The following ACKR3 variants were observed in gnomAD, a reference collection of about 807,000 sequenced individuals.
ACKR3 encodes C-X-C chemokine receptor type 7.
In ACKR3, 6 loss-of-function variants were observed where a neutral mutation model predicts 22.4. The ratio of observed to expected loss-of-function variants is 0.27; its 90% CI spans 0.15 to 0.53. ACKR3 has a LOEUF of 0.53. Among genes scored for constraint, ACKR3 ranks in the 20% least tolerant of loss-of-function variants. The probability of loss-of-function intolerance (pLI) is 0.96; values close to 1 mark genes in which losing one functional copy is unlikely to be tolerated. For missense variants in ACKR3, 396 were observed against 475.2 expected, an observed-to-expected ratio of 0.83 and a Z score of 1.55; for synonymous variants, 209 against 205.2, an observed-to-expected ratio of 1.02 and a Z score of -0.16.
At chr2:236,567,227 C>G (rs1360716885), upstream of ACKR3, among the ~76,000 whole-genome samples, 1 of 152,182 alleles carries the variant, frequency 6.6e-6, no homozygotes, top group African/African-American at 2.4e-5. Flanking sequence ...TCTCGAACTC[C>G]CGACCTCGCG....
At chr2:236,556,333 G>T in the ACKR3 span, among the ~76,000 whole-genome samples, 1 of 152,146 alleles carries the variant, frequency 6.6e-6, no homozygotes, top group African/African-American at 2.4e-5. Context: ...CCCCAGAGAG[G>T]TCCACATCTT....
intron 1 of ACKR3, among the ~76,000 whole-genome samples, chr2:236,573,228 C>T (rs1691344681): frequency 6.6e-6 from 1 of 152,092 alleles, no homozygotes; most frequent in Non-Finnish European, 1.5e-5. Context: ...TGCGCAGTTG[C>T]CTAATGGTTC....
chr2:236,581,654 T>G lies in ACKR3; in HGVS notation c.*100T>G. On this transcript the variant is annotated 3_prime_UTR_variant, in exon 2 of 2. Transcript: ENST00000272928. This position sits in a 1 kb window ranked among gnomAD's most constrained non-coding sequence, Gnocchi z 4.4. ...AAAGCAAAGTAGCTTCGGGTCTTGA[T>G]GCTTGAGTAGAGTGAAGAGGGGAGC... 1 of 1,446,200 alleles carries G rather than the reference T, an allele frequency of 6.9e-7. No individual in the cohort carries two copies. The highest frequency in any genetic ancestry group is 2.3e-5 in the Admixed American group (1 of 44,004). The allele number at this position is 1,446,200 out of a possible 1,614,324, so 89.6% of individuals were successfully genotyped here.
intron 1 of ACKR3, among the ~76,000 whole-genome samples, chr2:236,575,931 C>T (rs1034011550): frequency 6.6e-6 from 1 of 152,170 alleles, no homozygotes; most frequent in African/African-American, 2.4e-5. Flanking sequence ...AGGAGAGAAA[C>T]GTATGAATTT....
At chr2:236,564,010 G>A (rs566753037), upstream of ACKR3, among the ~76,000 whole-genome samples, 9 of 152,288 alleles carry the variant, frequency 5.9e-5, no homozygotes, top group East Asian at 1.4e-3. Flanking sequence ...GAGACAGGGA[G>A]CCTAAGGCCC....
the ACKR3 span, among the ~76,000 whole-genome samples, chr2:236,538,649 G>C: frequency 6.6e-6 from 1 of 152,226 alleles, no homozygotes; most frequent in African/African-American, 2.4e-5. Context: ...TTGATGAGTA[G>C]ATATCTGCCC....
chr2:236,541,359 T>C, the ACKR3 span, among the ~76,000 whole-genome samples: 7 of 152,174 alleles, frequency 4.6e-5, no homozygotes, highest in Non-Finnish European at 1.0e-4. Flanking sequence ...TCATGAAACA[T>C]CCCTCGTCTG....
chr2:236,572,117 TC>T (rs1479706528), intron 1 of ACKR3, among the ~76,000 whole-genome samples: 2 of 152,102 alleles, frequency 1.3e-5, no homozygotes, highest in African/African-American at 4.8e-5. Context: ...AATAGACAGA[TC>T]AGGACAGGGA....
Position 236,582,067 on chromosome 2 carries a change from T to TATATATAAATATATATAA in ACKR3, c.*528_*545dup, listed in dbSNP as rs1302467648. 8.8e-5 allele frequency: 14 copies of TATATATAAATATATATAA among 159,538 alleles called. No homozygotes were observed. Among genetic ancestry groups the TATATATAAATATATATAA allele is most frequent in the Non-Finnish European group, 2.2e-4 (14 of 64,664 alleles). 9.9% of individuals were successfully genotyped at this position (159,538 alleles called of 1,614,324 possible). ...AATTGTTAGCTGTTTTGAAATTATA[T>TATATATAAATATATATAA]ATATATAAATATATATAAATATATA... On this transcript the variant is annotated 3_prime_UTR_variant, in exon 2 of 2. Coordinates refer to ENST00000272928, the MANE Select transcript of ACKR3 (RefSeq NM_020311.3).
In ACKR3 at chr2:236,581,601, G is replaced by A. The variant is rs1182992055; in HGVS notation, c.*47G>A. On this transcript the variant is annotated 3_prime_UTR_variant, in exon 2 of 2. Transcript: ENST00000272928. This position sits in a 1 kb window ranked among gnomAD's most constrained non-coding sequence, Gnocchi z 4.4. ...GACGGGTTTACTTGTTTTTGAACAG[G>A]GTGATGGGCCCTATGGTTTTCTAGA... 6 of 1,574,814 alleles carry A rather than the reference G, an allele frequency of 3.8e-6. No homozygotes were observed. Among genetic ancestry groups the A allele is most frequent in the Non-Finnish European group, 4.3e-6 (5 of 1,159,726 alleles).
At chr2:236,538,683 A>G in the ACKR3 span, among the ~76,000 whole-genome samples, 1 of 152,244 alleles carries the variant, frequency 6.6e-6, no homozygotes, top group Non-Finnish European at 1.5e-5. Flanking sequence ...CCAACAGCAA[A>G]CTACAGTGTA....
chr2:236,541,058 T>C, the ACKR3 span, among the ~76,000 whole-genome samples: 4 of 150,670 alleles, frequency 2.7e-5, no homozygotes, highest in Admixed American at 1.3e-4. Flanking sequence ...GATCTGTTTC[T>C]GACCCTGTCT....
At position 236,581,167 on chromosome 2, in the gene ACKR3, G is replaced by C. The variant is rs775001746; in HGVS notation, c.702G>C (p.Leu234=). Reference sequence around the variant, plus strand: ...CCATTATCGCTGTCTTCTACTTCCTGCTGGCCAGAGCCATCTCGGCGTCCA... The same window carrying C: ...CCATTATCGCTGTCTTCTACTTCCTCCTGGCCAGAGCCATCTCGGCGTCCA... The part of the protein sequence containing the change: ...PFSIIAVFYF[L]LARAISASSD... The change falls in exon 2 of 2, where the codon CTG becomes CTC. Residue 234 remains leucine, a synonymous_variant. Transcript: ENST00000272928. This position sits in a 1 kb window ranked among gnomAD's most constrained non-coding sequence, Gnocchi z 4.4. 16 of 1,613,630 alleles carry C rather than the reference G, an allele frequency of 9.9e-6. No individual in the cohort carries two copies. In the Admixed American group the frequency reaches 2.7e-4, roughly 27 times the overall value.
At chr2:236,543,970 TATATATATATATATATATATATAC>T in the ACKR3 span, among the ~76,000 whole-genome samples, 1 of 66,964 alleles carries the variant, frequency 1.5e-5, no homozygotes, top group African/African-American at 1.3e-4. Context: ...TATATATATA[TATATATATATATATATATATATAC>T]ACTTTTTTTT....
chr2:236,539,229 T>C, the ACKR3 span, among the ~76,000 whole-genome samples: 1 of 151,360 alleles, frequency 6.6e-6, no homozygotes, highest in Non-Finnish European at 1.5e-5. Flanking sequence ...TGAGTTTTGA[T>C]AGACACATTT....
At chr2:236,556,439 G>A in the ACKR3 span, among the ~76,000 whole-genome samples, 1 of 152,104 alleles carries the variant, frequency 6.6e-6, no homozygotes, top group Admixed American at 6.5e-5. Context: ...TTATCTAGGT[G>A]GAGCCACTGT....
At chr2:236,554,191 C>T in the ACKR3 span, among the ~76,000 whole-genome samples, 118 of 152,294 alleles carry the variant, frequency 7.7e-4, no homozygotes, top group Non-Finnish European at 5.7e-4. Context: ...CCCTTAACTT[C>T]GAGGGGTTAT....
the ACKR3 span, among the ~76,000 whole-genome samples, chr2:236,544,589 A>G: frequency 6.6e-6 from 1 of 152,172 alleles, no homozygotes; most frequent in Non-Finnish European, 1.5e-5. The surrounding 1 kb of genome is among the most constrained non-coding windows in gnomAD (Gnocchi z 5.0). Context: ...GGCTGGAGAG[A>G]TGCCTGAAGG....
chr2:236,538,172 C>T, the ACKR3 span, among the ~76,000 whole-genome samples: 1 of 152,064 alleles, frequency 6.6e-6, no homozygotes, highest in Non-Finnish European at 1.5e-5. Context: ...CACATCACAC[C>T]TGGTATTTGA....
Sources: allele counts gnomAD v4.1 joint callset (sites outside exome capture counted in the v4.1 genomes callset), GRCh38; gene constraint gnomAD v4.1.1; non-coding constraint Gnocchi (gnomAD v3.1); transcripts MANE v1.5; gene names NCBI Gene and HGNC (gene_info 2026-07-23, HGNC 2026-07-21).